The following MMEL1 variants were observed in gnomAD, a reference collection of about 807,000 sequenced individuals.
MMEL1 encodes the protein membrane metallo-endopeptidase-like 1.
Under a neutral mutation model 117.1 loss-of-function variants are expected in MMEL1, and 98 were observed. The ratio of observed to expected loss-of-function variants is 0.84; its 90% confidence interval spans 0.71 to 0.99. The LOEUF is 0.99. Among genes scored for constraint, MMEL1 ranks in the 50% least tolerant of loss-of-function variants. The pLI is 0.00. For missense variants in MMEL1, 1,014 were observed against 1,049.1 expected (o/e 0.97, Z 0.46); for synonymous variants, 390 against 415.1 (o/e 0.94, Z 0.74).
At position 2,598,805 on chromosome 1, in the gene MMEL1, A is replaced by G. The variant is rs750002959; in HGVS notation, c.1042-15T>C. 1 of 1,602,864 alleles carries G rather than the reference A, an allele frequency of 6.2e-7. No homozygotes were observed. On this transcript the variant is annotated splice_polypyrimidine_tract_variant and intron_variant, in intron 11 of 23. Transcript: ENST00000378412. The stretch of plus-strand genomic sequence containing the variant: ...CAGTTAAATCCCTGCAGATAGAGGA[A>G]GTGGGGAGAAAGAGGGAGAGAGAGA...
intron 5 of MMEL1, 25 bp from the exon 6 acceptor site, chr1:2,609,444 C>T (rs753350442): frequency 6.2e-7 from 1 of 1,602,180 alleles, no homozygotes; most frequent in Non-Finnish European, 8.5e-7. Context: ...AAAGGTTGGA[C>T]AGAGGCCTGA....
At chr1:2,620,197 G>A (rs1645268855) in intron 2 of MMEL1, among the ~76,000 whole-genome samples, 1 of 152,168 alleles carries the variant, frequency 6.6e-6, no homozygotes, top group African/African-American at 2.4e-5. Flanking sequence ...CCCAACAGAG[G>A]AGCGGCAGTT....
intron 2 of MMEL1, among the ~76,000 whole-genome samples, chr1:2,621,572 A>AC (rs575166129): frequency 2.1e-5 from 3 of 145,850 alleles, no homozygotes; most frequent in African/African-American, 7.6e-5. Flanking sequence ...ACCAATGCAC[A>AC]TTTTTTTTTT....
At position 2,618,904 on chromosome 1, in the gene MMEL1, C is replaced by T. The variant is rs139078294; in HGVS notation, c.155-6700G>A. 3.2e-3 allele frequency among the ~76,000 whole-genome samples: 489 copies of T among 152,352 alleles called. 5 individuals are homozygous for T. The highest frequency in any genetic ancestry group is 0.011 in the African/African-American group (472 of 41,572). On this transcript the variant is annotated intron_variant, in intron 2 of 23. Transcript: ENST00000378412. ...GATCCAGAACGTATGGAAGCTGGCA[C>T]CACTGGCCCTGGATCTGAGTCTTCT...
chr1:2,594,113 C>G, intron 18 of MMEL1, 180 bp from the exon 19 acceptor site: 2 of 884,904 alleles, frequency 2.3e-6, no homozygotes, highest in Non-Finnish European at 3.4e-6. Flanking sequence ...CGGGCTCGTG[C>G]CTGGCAGACC....
intron 6 of MMEL1, among the ~76,000 whole-genome samples, chr1:2,607,846 A>G (rs996286784): frequency 3.3e-5 from 5 of 152,058 alleles, no homozygotes; most frequent in South Asian, 2.1e-4. Flanking sequence ...AGGAAGGGAC[A>G]GACATTCCAG....
chr1:2,619,713 G>C (rs1236576408), intron 2 of MMEL1, among the ~76,000 whole-genome samples: 3 of 148,628 alleles, frequency 2.0e-5, no homozygotes, highest in Middle Eastern at 3.3e-3. Context: ...AAATCAATTT[G>C]AAAAAGGATC....
At chr1:2,594,670 C>G in intron 17 of MMEL1, 120 bp downstream of exon 17, 1 of 950,584 alleles carries the variant, frequency 1.1e-6, no homozygotes. Flanking sequence ...TGACTGCACC[C>G]CTCAGCTGGC....
chr1:2,609,581 CA>C, intron 5 of MMEL1, 88 bp downstream of exon 5: 1 of 1,547,168 alleles, frequency 6.5e-7, no homozygotes, highest in South Asian at 1.2e-5. Flanking sequence ...GAAGCACAAA[CA>C]GGGGCGAGAC....
In MMEL1 at chr1:2,598,636, A is replaced by G. The variant is rs1644884034; in HGVS notation, c.1178+18T>C. Reference sequence around the variant, plus strand: ...GGCAAAGATGCTGAGGCCTTTGGAGACCCTCCCTGGGCCTCACCTGGCTGA... The same window carrying G: ...GGCAAAGATGCTGAGGCCTTTGGAGGCCCTCCCTGGGCCTCACCTGGCTGA... On this transcript the variant is annotated intron_variant, in intron 12 of 23. Coordinates refer to ENST00000378412, the MANE Select transcript of MMEL1 (RefSeq NM_033467.4). 6.2e-7 allele frequency: 1 copy of G among 1,612,786 alleles called. No homozygotes were observed.
Position 2,595,263 on chromosome 1 carries a change from G to T in MMEL1, c.1584+13C>A. ...GTGTGGGGGGCAGTTTAGGGCTGGG[G>T]TTGGGGGCGCACATTGGAGTACTCC... On this transcript the variant is annotated intron_variant, in intron 16 of 23. Transcript: ENST00000378412. This position sits in a 1 kb window ranked among gnomAD's most constrained non-coding sequence, Gnocchi z 4.8. 1 of 1,612,262 alleles carries T rather than the reference G, an allele frequency of 6.2e-7. No individual in the cohort carries two copies. Among genetic ancestry groups the T allele is most frequent in the Non-Finnish European group, 8.5e-7 (1 of 1,179,048 alleles).
At position 2,605,620 on chromosome 1, in the gene MMEL1, C is replaced by G; in HGVS notation, c.754G>C (p.Asp252His). Residue 252 changes from aspartate to histidine, a missense_variant, in exon 9 of 24, where the codon GAC (aspartate) becomes CAC (histidine). Physicochemically the swap from Asp to His is moderately conservative, Grantham distance 81. Transcript: ENST00000378412. ...QNSSRHIIYI[D>H]QPTLGMPSRE... The stretch of plus-strand genomic sequence containing the variant: ...GAGGGCATGCCCAAGGTGGGCTGGT[C>G]TATCTGGAAATACAGAAGGTGTGAC... 1 of 1,612,548 alleles carries G rather than the reference C, an allele frequency of 6.2e-7. No homozygotes were observed. Among genetic ancestry groups the G allele is most frequent in the South Asian group, 1.1e-5 (1 of 90,998 alleles).
chr1:2,619,825 CAGA>C (rs1204585887), intron 2 of MMEL1, among the ~76,000 whole-genome samples: 2 of 151,998 alleles, frequency 1.3e-5, no homozygotes, highest in Non-Finnish European at 2.9e-5. Flanking sequence ...CATAACAGAA[CAGA>C]AGATTTAGTG....
chr1:2,608,489 A>G (rs1325752586), intron 6 of MMEL1, among the ~76,000 whole-genome samples: 2 of 150,504 alleles, frequency 1.3e-5, no homozygotes, highest in Non-Finnish European at 2.9e-5. Context: ...TACAGCACAC[A>G]CATAACATGT....
chr1:2,627,248 G>C (rs1638320369), intron 2 of MMEL1, among the ~76,000 whole-genome samples: 1 of 152,200 alleles, frequency 6.6e-6, no homozygotes, highest in African/African-American at 2.4e-5. Flanking sequence ...CGTTCACATA[G>C]TAATATCGCC....
In MMEL1 at chr1:2,596,083, G is replaced by A. The variant is rs1004607239; in HGVS notation, c.1426C>T (p.Arg476Trp). Residue 476 changes from arginine to tryptophan, a missense_variant, in exon 15 of 24, where the codon CGG becomes TGG. Arg to Trp is a moderately radical substitution (Grantham distance 101). Coordinates refer to ENST00000378412, the MANE Select transcript of MMEL1 (RefSeq NM_033467.4). ...SMVRELIDKV[R>W]TVFVETLDEL... The stretch of plus-strand genomic sequence containing the variant: ...TCCAGCGTCTCCACAAACACTGTCC[G>A]CACCTTGTCAATGAGTTCTCTGACC... The A allele has an allele frequency of 5.0e-6, 8 of 1,613,860 alleles. No individual in the cohort carries two copies. The highest frequency in any genetic ancestry group is 1.6e-4 in the Middle Eastern group (1 of 6,082).
Position 2,617,862 on chromosome 1 carries a change from C to T in MMEL1, c.155-5658G>A, listed in dbSNP as rs570333909. Among the ~76,000 whole-genome samples, 3 of 152,302 alleles carry T rather than the reference C, an allele frequency of 2.0e-5. No individual in the cohort carries two copies. The East Asian group carries it at 5.8e-4, about 29-fold the overall frequency. The stretch of plus-strand genomic sequence containing the variant: ...ACAGGAAACACAGTCAATGATCTCT[C>T]CAAAAGGAGATTTTTCTTTTTCATA... On this transcript the variant is annotated intron_variant, in intron 2 of 23. Coordinates refer to ENST00000378412, the MANE Select transcript of MMEL1 (RefSeq NM_033467.4).
At chr1:2,591,661 A>C (rs777701788) in intron 22 of MMEL1, 28 bp from the exon 23 acceptor site, 1 of 892,652 alleles carries the variant, frequency 1.1e-6, no homozygotes, top group South Asian at 1.4e-5. Flanking sequence ...GCGTGGCTAC[A>C]GGTGGCGTGG....
intron 2 of MMEL1, among the ~76,000 whole-genome samples, chr1:2,626,197 G>C (rs1185398897): frequency 1.3e-5 from 2 of 152,192 alleles, no homozygotes; most frequent in Non-Finnish European, 1.5e-5. Context: ...GATGGTCAGG[G>C]ACTTGGAAGA....
Sources: allele counts gnomAD v4.1 joint callset (sites outside exome capture counted in the v4.1 genomes callset), GRCh38; gene constraint gnomAD v4.1.1; non-coding constraint Gnocchi (gnomAD v3.1); transcripts MANE v1.5; gene names NCBI Gene and HGNC (gene_info 2026-07-23, HGNC 2026-07-21).